Variants in ARHGAP32 observed in about 807,000 individuals in gnomAD.
ARHGAP32 encodes the protein Rho GTPase activating protein 32, also known as rho GTPase-activating protein 32.
In ARHGAP32, 51 loss-of-function variants were observed where a neutral mutation model predicts 186.5. The observed-to-expected ratio is 0.27, with a 90% CI of 0.22 to 0.35. The LOEUF (loss-of-function observed/expected upper bound fraction) is 0.35. ARHGAP32 is among the 10% of genes least tolerant of loss of function. The probability of loss-of-function intolerance (pLI) is 1.00; values close to 1 mark genes in which losing one functional copy is unlikely to be tolerated. For missense variants in ARHGAP32, 2,186 were observed against 2,623.5 expected (o/e 0.83, Z 3.64); for synonymous variants, 950 against 964.3 (o/e 0.99, Z 0.27).
chr11:129,158,731 T>G (rs1009365318), intron 2 of ARHGAP32, among the ~76,000 whole-genome samples: 3 of 152,026 alleles, frequency 2.0e-5, no homozygotes, highest in Non-Finnish European at 4.4e-5. Context: ...TTTACAGAAC[T>G]CTCCACTCCC....
rs140701242 is a variant in ARHGAP32 at position 129,016,783 on chromosome 11, G to C, written c.1046-18315C>G. 9.1e-4 allele frequency among the ~76,000 whole-genome samples: 139 copies of C among 152,272 alleles called. 1 individual carries two copies. Among genetic ancestry groups the C allele is most frequent in the African/African-American group, 3.3e-3 (139 of 41,564 alleles). ...TTTGGAATCTCATTGAAGCTGCACT[G>C]AATTATAGATTATTTTGGAGGACAG... On this transcript the variant is annotated intron_variant, in intron 11 of 22. Transcript: ENST00000682385.
In ARHGAP32 at chr11:128,969,487, G is replaced by T; in HGVS notation, c.5726C>A (p.Pro1909His). Residue 1909 changes from proline to histidine, a missense_variant, in exon 23 of 23, where the codon CCC becomes CAC. Around this residue, in one of 5 missense-constraint regions of ARHGAP32, gnomAD observed 1,502 missense variants for 1,570.0 expected, o/e 0.96. Coordinates refer to ENST00000682385, the MANE Select transcript of ARHGAP32 (RefSeq NM_001378024.1). The surrounding 1 kb of genome is among the most constrained non-coding windows in gnomAD (Gnocchi z 4.8). ...HRQFCESKNG[P>H]PYPQGAGQLD... ...CTGGCCAGCTCCCTGGGGATAAGGG[G>T]GCCCATTCTTTGACTCACAGAACTG... 2 of 1,614,142 alleles carry T rather than the reference G, an allele frequency of 1.2e-6. No individual in the cohort carries two copies. The highest frequency in any genetic ancestry group is 1.7e-6 in the Non-Finnish European group (2 of 1,180,040).
In ARHGAP32 at chr11:128,983,595, T is replaced by C. The variant is rs576896555; in HGVS notation, c.1527-1659A>G. On this transcript the variant is annotated intron_variant, in intron 15 of 22. Coordinates refer to ENST00000682385, the MANE Select transcript of ARHGAP32 (RefSeq NM_001378024.1). ...CCAACATGGCACATGTATACATATG[T>C]AACAAACCTGCATATTGTGCACATG... Among the ~76,000 whole-genome samples, 12 of 152,028 alleles carry C rather than the reference T, an allele frequency of 7.9e-5. No homozygotes were observed. In the East Asian group the frequency reaches 2.3e-3, roughly 29 times the overall value.
At position 129,212,979 on chromosome 11, in the gene ARHGAP32, T is replaced by C. The variant is rs529163927; in HGVS notation, c.-4-48552A>G. 5.3e-5 allele frequency among the ~76,000 whole-genome samples: 8 copies of C among 152,160 alleles called. No homozygotes were observed. The South Asian group carries it at 1.5e-3, about 28-fold the overall frequency. Reference sequence around the variant, plus strand: ...TATTTGGGCTACCAAACATGATTAATTTGAGTCTCAAATTATATGTGTATC... The same window carrying C: ...TATTTGGGCTACCAAACATGATTAACTTGAGTCTCAAATTATATGTGTATC... On this transcript the variant is annotated intron_variant, in intron 1 of 6. Transcript: ENST00000525234.
rs567251981 is a variant in ARHGAP32 at position 128,976,553 on chromosome 11, T to G, written c.2194+10A>C. The G allele has an allele frequency of 6.2e-7, 1 of 1,609,742 alleles. No individual in the cohort carries two copies. Among genetic ancestry groups the G allele is most frequent in the Admixed American group, 1.7e-5 (1 of 59,966 alleles). ...TTATAGAATAAAATGACTGATGCTTTTAGTCTTACCATCAACTGCATGGAG... is the reference window on the plus strand; with the variant it reads ...TTATAGAATAAAATGACTGATGCTTGTAGTCTTACCATCAACTGCATGGAG... On this transcript the variant is annotated intron_variant, in intron 20 of 22. Transcript: ENST00000682385.
intron 2 of ARHGAP32, among the ~76,000 whole-genome samples, chr11:129,150,371 A>C (rs1395342176): frequency 2.6e-5 from 4 of 152,192 alleles, no homozygotes; most frequent in African/African-American, 9.6e-5. Context: ...TCATCAGGTT[A>C]TCTAAATCCC....
At chr11:129,161,847 G>A (rs372306569) in intron 2 of ARHGAP32, among the ~76,000 whole-genome samples, 56 of 152,204 alleles carry the variant, frequency 3.7e-4, no homozygotes, top group Non-Finnish European at 7.1e-4. Flanking sequence ...AAATGCACAC[G>A]TATGCTTACT....
At chr11:129,210,305 G>A (rs908239530) in intron 1 of ARHGAP32, among the ~76,000 whole-genome samples, 9 of 152,140 alleles carry the variant, frequency 5.9e-5, no homozygotes, top group African/African-American at 1.9e-4. Context: ...CTAAACTCTA[G>A]AAATTCATAT....
chr11:129,186,957 TTCC>T (rs1377127067), intron 1 of ARHGAP32, among the ~76,000 whole-genome samples: 1 of 152,082 alleles, frequency 6.6e-6, no homozygotes, highest in Non-Finnish European at 1.5e-5. Flanking sequence ...AGTTTGGAAG[TTCC>T]TCAAAAAAAC....
intron 11 of ARHGAP32, among the ~76,000 whole-genome samples, chr11:129,034,776 T>G: frequency 7.0e-6 from 1 of 143,242 alleles, no homozygotes. Flanking sequence ...CAGGAGATCG[T>G]GCCACTGCAC....
chr11:129,174,267 C>T (rs969969430), intron 1 of ARHGAP32, among the ~76,000 whole-genome samples: 1 of 152,218 alleles, frequency 6.6e-6, no homozygotes, highest in African/African-American at 2.4e-5. Flanking sequence ...GACATTATAT[C>T]CCGCACATGG....
intron 11 of ARHGAP32, among the ~76,000 whole-genome samples, chr11:129,026,766 C>A (rs2134933624): frequency 7.1e-6 from 1 of 141,338 alleles, no homozygotes; most frequent in South Asian, 2.3e-4. Flanking sequence ...CGCCATTGCA[C>A]TCCAGCCTGG....
chr11:128,968,776 A>T lies in ARHGAP32; in HGVS notation c.*131T>A. ...AGGGGAAAAAGATGCTGATTTGTTT[A>T]CTTTTATTATCATTTTTTAAATGTG... is the stretch of plus-strand genomic sequence containing the variant. On this transcript the variant is annotated 3_prime_UTR_variant, in exon 23 of 23. Coordinates refer to ENST00000682385, the MANE Select transcript of ARHGAP32 (RefSeq NM_001378024.1). 1 of 697,710 alleles carries T rather than the reference A, an allele frequency of 1.4e-6. No individual in the cohort carries two copies. Among genetic ancestry groups the T allele is most frequent in the Non-Finnish European group, 2.1e-6 (1 of 484,608 alleles). The allele number at this position is 697,710 out of a possible 1,614,324, so 43.2% of individuals were successfully genotyped here.
At chr11:129,056,708 C>T (rs138626100) in intron 10 of ARHGAP32, among the ~76,000 whole-genome samples, 5 of 152,280 alleles carry the variant, frequency 3.3e-5, no homozygotes, top group East Asian at 1.9e-4. Flanking sequence ...CAAAAGAAAA[C>T]TGGAGTCCAG....
chr11:129,183,185 A>T (rs183831677), intron 1 of ARHGAP32, among the ~76,000 whole-genome samples: 2 of 152,102 alleles, frequency 1.3e-5, no homozygotes, highest in Non-Finnish European at 2.9e-5. Context: ...ATTCTACCCC[A>T]TAATACTTCT....
intron 5 of ARHGAP32, among the ~76,000 whole-genome samples, chr11:129,099,899 G>C (rs925824842): frequency 1.3e-5 from 2 of 152,060 alleles, no homozygotes; most frequent in Admixed American, 6.6e-5. Context: ...TAGGCTGAAG[G>C]GGGAGAAAGC....
chr11:129,193,209 C>T (rs1218829352), upstream of ARHGAP32, among the ~76,000 whole-genome samples: 8 of 148,936 alleles, frequency 5.4e-5, no homozygotes, highest in South Asian at 1.1e-3. Flanking sequence ...CAGTGGCTCA[C>T]GCCTGTAATC....
At chr11:129,142,351 C>A (rs950464849) in intron 2 of ARHGAP32, among the ~76,000 whole-genome samples, 1 of 152,084 alleles carries the variant, frequency 6.6e-6, no homozygotes, top group African/African-American at 2.4e-5. Flanking sequence ...TAGGATGTCC[C>A]AACTCCAGAT....
At chr11:129,273,629 T>C (rs1400329965) in intron 1 of ARHGAP32, among the ~76,000 whole-genome samples, 1 of 152,190 alleles carries the variant, frequency 6.6e-6, no homozygotes, top group Non-Finnish European at 1.5e-5. Context: ...TGATATATTC[T>C]GCACAGCTAC....
Sources: gnomAD v4.1 joint callset for allele counts (sites outside exome capture counted in the v4.1 genomes callset) on GRCh38, gnomAD v4.1.1 for gene constraint, gnomAD v4.1.1 regional missense constraint, Gnocchi (gnomAD v3.1) non-coding constraint, MANE v1.5 for transcripts, NCBI Gene and HGNC (gene_info 2026-07-23, HGNC 2026-07-21) for gene names.